Variants in ADAMTSL1 observed in about 807,000 individuals in gnomAD.
The protein encoded by ADAMTSL1 is ADAMTS like 1.
Under a neutral mutation model 201.8 loss-of-function variants are expected in ADAMTSL1, and 126 were observed. That is an observed-to-expected ratio of 0.62 (90% CI 0.54 to 0.72). The LOEUF (loss-of-function observed/expected upper bound fraction) is 0.72. Among genes scored for constraint, ADAMTSL1 ranks in the 30% least tolerant of loss-of-function variants. ADAMTSL1 has a pLI of 0.00. For missense variants in ADAMTSL1, 2,679 were observed against 2,277.8 expected (o/e 1.18, Z -3.59); for synonymous variants, 1,121 against 903.4 (o/e 1.24, Z -4.32).
At chr9:18,892,697 C>T (rs1167687658) in intron 26 of ADAMTSL1, 101 bp downstream of exon 26, 1 of 1,327,844 alleles carries the variant, frequency 7.5e-7, no homozygotes, top group South Asian at 1.4e-5. Flanking sequence ...CCACCTCCTC[C>T]TTTCACATTC....
At chr9:18,362,289 G>A (rs554488220) in intron 2 of ADAMTSL1, 2 of 152,220 alleles carry the variant, frequency 1.3e-5, no homozygotes, top group Non-Finnish European at 2.9e-5. Context: ...ACCTGATGAA[G>A]TGCCTAATAT....
At chr9:18,222,666 T>C (rs1830307607) in intron 2 of ADAMTSL1, among the ~76,000 whole-genome samples, 1 of 150,222 alleles carries the variant, frequency 6.7e-6, no homozygotes, top group South Asian at 2.1e-4. Context: ...TTTTTTGCCA[T>C]TCCTTTTTTC....
chr9:18,689,245 A>G (rs944720), intron 13 of ADAMTSL1, among the ~76,000 whole-genome samples: 40,995 of 152,000 alleles, frequency 0.27, 5,636 homozygotes, highest in Admixed American at 0.35. Context: ...GTTGAGATGT[A>G]TGCATAAACA....
chr9:17,978,279 A>G (rs1409869413), intron 1 of ADAMTSL1, among the ~76,000 whole-genome samples: 1 of 151,480 alleles, frequency 6.6e-6, no homozygotes, highest in African/African-American at 2.4e-5. Flanking sequence ...AATTTAATCG[A>G]TTTTCATTTC....
In ADAMTSL1 at chr9:17,957,814, T is replaced by C. The variant is rs1439594579; in HGVS notation, c.87+50892T>C. On this transcript the variant is annotated intron_variant, in intron 1 of 29. Transcript: ENST00000680146. ...GAGGTGGAGATTGGAATGAGGTAGC[T>C]ACAAGCCAAGAGATGCTAAGGGCTG... is the stretch of plus-strand genomic sequence containing the variant. 2.6e-5 allele frequency among the ~76,000 whole-genome samples: 4 copies of C among 152,212 alleles called. No individual in the cohort carries two copies. In the East Asian group the frequency reaches 7.7e-4, roughly 29 times the overall value.
At chr9:18,009,039 C>A (rs959881956) in intron 1 of ADAMTSL1, among the ~76,000 whole-genome samples, 4 of 151,858 alleles carry the variant, frequency 2.6e-5, no homozygotes, top group Admixed American at 1.3e-4. Context: ...TGGTTACTCT[C>A]CCCTGCAGAT....
intron 1 of ADAMTSL1, among the ~76,000 whole-genome samples, chr9:17,948,965 A>T (rs1176919265): frequency 2.0e-5 from 3 of 152,190 alleles, no homozygotes; most frequent in Non-Finnish European, 4.4e-5. Flanking sequence ...CAGTTTAAAT[A>T]CTGTATTGAG....
At chr9:17,923,108 T>A (rs1281158562) in intron 1 of ADAMTSL1, among the ~76,000 whole-genome samples, 1 of 152,192 alleles carries the variant, frequency 6.6e-6, no homozygotes, top group Non-Finnish European at 1.5e-5. Flanking sequence ...GGCTTAGGAT[T>A]GACTTGGCAA....
intron 2 of ADAMTSL1, among the ~76,000 whole-genome samples, chr9:18,457,304 A>G (rs1432452519): frequency 6.6e-6 from 1 of 152,156 alleles, no homozygotes; most frequent in East Asian, 1.9e-4. Flanking sequence ...AAAATGTTTT[A>G]TAGACATATA....
intron 4 of ADAMTSL1, among the ~76,000 whole-genome samples, chr9:18,584,411 C>G (rs763124594): frequency 6.6e-6 from 1 of 151,994 alleles, no homozygotes; most frequent in Non-Finnish European, 1.5e-5. Context: ...AAACCTCTTT[C>G]TTTTGTAAAT....
At chr9:18,356,179 C>G (rs890209285) in intron 2 of ADAMTSL1, among the ~76,000 whole-genome samples, 1 of 152,178 alleles carries the variant, frequency 6.6e-6, no homozygotes, top group Admixed American at 6.5e-5. Context: ...GGAACATCCC[C>G]TCAATGTGGC....
At chr9:18,845,592 G>A (rs765710908) in intron 23 of ADAMTSL1, among the ~76,000 whole-genome samples, 7 of 152,246 alleles carry the variant, frequency 4.6e-5, no homozygotes, top group Non-Finnish European at 7.3e-5. Flanking sequence ...CAGTTGGGCA[G>A]TGGTATTCTG....
chr9:18,620,114 T>C (rs1048518665), intron 4 of ADAMTSL1, among the ~76,000 whole-genome samples: 3 of 151,242 alleles, frequency 2.0e-5, no homozygotes, highest in Non-Finnish European at 2.9e-5. Flanking sequence ...GAACCTCATG[T>C]GACACCTCCC....
chr9:18,232,822 T>A (rs538764997), intron 2 of ADAMTSL1, among the ~76,000 whole-genome samples: 1 of 152,182 alleles, frequency 6.6e-6, no homozygotes, highest in South Asian at 2.1e-4. Context: ...GTGTAGTAAC[T>A]GGTACAAAAG....
At chr9:18,371,341 C>T (rs914645087) in intron 2 of ADAMTSL1, among the ~76,000 whole-genome samples, 2 of 152,166 alleles carry the variant, frequency 1.3e-5, no homozygotes, top group South Asian at 4.1e-4. Flanking sequence ...TGTCTGTCTC[C>T]TGCAGTTTGG....
At chr9:18,900,182 C>T (rs1588346735) in intron 26 of ADAMTSL1, among the ~76,000 whole-genome samples, 1 of 152,148 alleles carries the variant, frequency 6.6e-6, no homozygotes, top group Non-Finnish European at 1.5e-5. Flanking sequence ...TGAAAAAAAG[C>T]TCAACATCAC....
intron 27 of ADAMTSL1, among the ~76,000 whole-genome samples, 192 bp from the exon 28 acceptor site, chr9:18,906,500 G>C (rs1782066964): frequency 6.6e-6 from 1 of 152,200 alleles, no homozygotes; most frequent in Admixed American, 6.5e-5. Context: ...TGGAGGCCCA[G>C]TAAGAGGAAA....
chr9:18,892,995 C>G (rs1195407561), intron 26 of ADAMTSL1, among the ~76,000 whole-genome samples: 1 of 151,538 alleles, frequency 6.6e-6, no homozygotes, highest in Non-Finnish European at 1.5e-5. Flanking sequence ...CCATAGAGTT[C>G]ACGTTCCATC....
In ADAMTSL1 at chr9:18,892,576, G is replaced by T. The variant is rs998967555; in HGVS notation, c.4831G>T (p.Ala1611Ser). The change falls in exon 26 of 29, where the codon GCC (alanine) becomes TCC (serine). Residue 1611 changes from alanine to serine, a missense_variant. Ala to Ser is a moderately conservative substitution (Grantham distance 99). Coordinates refer to ENST00000380548, the MANE Select transcript of ADAMTSL1 (RefSeq NM_001040272.6). The part of the protein sequence containing the change: ...ACNQQLCVEW[A>S]FSSWGQCNGP... ...TAACCAGCAGCTGTGTGTGGAGTGG[G>T]CCTTCTCCAGCTGGGGCCAGGTGAG... 1.3e-6 allele frequency: 2 copies of T among 1,565,000 alleles called. No individual in the cohort carries two copies. Among genetic ancestry groups the T allele is most frequent in the African/African-American group, 1.4e-5 (1 of 73,754 alleles).
Sources: allele counts gnomAD v4.1 joint callset (sites outside exome capture counted in the v4.1 genomes callset), GRCh38; gene constraint gnomAD v4.1.1; transcripts MANE v1.5; gene names NCBI Gene and HGNC (gene_info 2026-07-23, HGNC 2026-07-21).